Variants in SGPL1 observed in about 807,000 individuals in gnomAD.
SGPL1 encodes the protein sphingosine-1-phosphate lyase 1.
In SGPL1, 37 loss-of-function variants were observed where a neutral mutation model predicts 68.9. That is an observed-to-expected ratio of 0.54 (90% CI 0.41 to 0.71). The LOEUF (loss-of-function observed/expected upper bound fraction) is 0.71. SGPL1 is among the 30% of genes least tolerant of loss of function. The pLI is 0.00. For synonymous variants in SGPL1, 236 were observed against 248.5 expected (o/e 0.95, Z 0.47); for missense variants, 551 against 704.6 (o/e 0.78, Z 2.47).
intron 2 of SGPL1, among the ~76,000 whole-genome samples, chr10:70,826,531 A>G (rs1209933697): frequency 6.6e-6 from 1 of 152,392 alleles, no homozygotes; most frequent in East Asian, 1.9e-4. Context: ...TTATACGTGC[A>G]GAAGAGTATA....
intron 4 of SGPL1, 141 bp downstream of exon 4, chr10:70,851,351 C>T (rs922439585): frequency 7.1e-6 from 5 of 707,094 alleles, no homozygotes; most frequent in Non-Finnish European, 1.2e-5. Context: ...CATTTGGAGA[C>T]ATTTTTGGTG....
intron 2 of SGPL1, among the ~76,000 whole-genome samples, chr10:70,839,410 T>C (rs1683935): frequency 0.16 from 23,570 of 152,024 alleles, 2,101 homozygotes; most frequent in Non-Finnish European, 0.19. Flanking sequence ...GTTTTACTTA[T>C]AGAAACTGTA....
At chr10:70,849,447 C>G (rs1227138864) in intron 3 of SGPL1, among the ~76,000 whole-genome samples, 1 of 152,116 alleles carries the variant, frequency 6.6e-6, no homozygotes, top group African/African-American at 2.4e-5. Context: ...GAACATAGGG[C>G]TAGAAGGAAA....
rs827249 is a variant in SGPL1, at chr10:70,869,810, C to T, written c.723C>T (p.Ala241=). 66,510 of 1,613,662 alleles carry T rather than the reference C, an allele frequency of 0.041. 1,832 individuals are homozygous for T. The highest frequency in any genetic ancestry group is 0.13 in the East Asian group (5,761 of 44,840). ...CATTTAGTGTGGCTCCCCAAAGTGC[C>T]CATGCTGCATTTAACAAAGCAGCCA... ...KTPEIVAPQS[A]HAAFNKAASY... Residue 241 remains alanine, a synonymous_variant, in exon 9 of 15, where the codon GCC becomes GCT. Coordinates refer to ENST00000373202, the MANE Select transcript of SGPL1 (RefSeq NM_003901.4).
chr10:70,838,322 A>G (rs1845660736), intron 2 of SGPL1, among the ~76,000 whole-genome samples: 1 of 152,244 alleles, frequency 6.6e-6, no homozygotes, highest in South Asian at 2.1e-4. Context: ...GGTCACGAGC[A>G]GTACCAGTTC....
At chr10:70,835,509 G>A (rs902033850) in intron 2 of SGPL1, among the ~76,000 whole-genome samples, 2 of 150,848 alleles carry the variant, frequency 1.3e-5, no homozygotes, top group African/African-American at 2.5e-5. Flanking sequence ...AGGCCGAGGC[G>A]GGTGGATCAC....
chr10:70,837,660 T>C (rs983023945), intron 2 of SGPL1, among the ~76,000 whole-genome samples: 1 of 152,172 alleles, frequency 6.6e-6, no homozygotes, highest in Non-Finnish European at 1.5e-5. Flanking sequence ...AGAGTAGAGC[T>C]CTTTCTAGGT....
At chr10:70,857,539 C>CTG in intron 5 of SGPL1, 75 bp from the exon 6 acceptor site, 1 of 1,213,562 alleles carries the variant, frequency 8.2e-7, no homozygotes. Flanking sequence ...GAGTTTCTTC[C>CTG]TGTTTCTTCT....
chr10:70,848,995 G>A (rs1220181235), intron 3 of SGPL1, among the ~76,000 whole-genome samples: 1 of 152,112 alleles, frequency 6.6e-6, no homozygotes, highest in Non-Finnish European at 1.5e-5. Context: ...GGACTTTTGA[G>A]ATAATCTTTT....
intron 2 of SGPL1, among the ~76,000 whole-genome samples, chr10:70,829,546 C>T (rs1845497007): frequency 6.6e-6 from 1 of 152,072 alleles, no homozygotes; most frequent in African/African-American, 2.4e-5. Flanking sequence ...TTAATATTCA[C>T]AACAACCCTG....
At chr10:70,817,144 T>A (rs1845247598) in intron 2 of SGPL1, among the ~76,000 whole-genome samples, 1 of 152,096 alleles carries the variant, frequency 6.6e-6, no homozygotes, top group African/African-American at 2.4e-5. Flanking sequence ...CTCAGCCTCC[T>A]GAGTAGCTGG....
At chr10:70,850,958 G>C (rs76067274) in intron 3 of SGPL1, among the ~76,000 whole-genome samples, 185 bp from the exon 4 acceptor site, 202 of 152,146 alleles carry the variant, frequency 1.3e-3, no homozygotes, top group African/African-American at 4.7e-3. Context: ...TTAAAATTTT[G>C]AACCATGTAA....
intron 2 of SGPL1, among the ~76,000 whole-genome samples, chr10:70,819,790 C>G (rs1845307319): frequency 6.6e-6 from 1 of 152,026 alleles, no homozygotes; most frequent in African/African-American, 2.4e-5. Context: ...GCCACCATGC[C>G]CGGCTGATTT....
chr10:70,875,443 A>C lies in SGPL1; in HGVS notation c.1340A>C (p.Gln447Pro). Residue 447 changes from glutamine to proline, a missense_variant, in exon 13 of 15, where the codon CAA becomes CCA. By Grantham distance (76) the Gln-to-Pro change is moderately conservative. Transcript: ENST00000373202. ...IKGIFVFGNP[Q>P]LSVIALGSRD... ...GGCATCTTTGTTTTTGGGAATCCCC[A>C]ATTGTCAGTCATTGCTCTGGGATCC... 6.2e-7 allele frequency: 1 copy of C among 1,612,610 alleles called. No individual in the cohort carries two copies. The highest frequency in any genetic ancestry group is 1.3e-5 in the African/African-American group (1 of 75,034).
chr10:70,858,954 T>A (rs1387871892), intron 6 of SGPL1, among the ~76,000 whole-genome samples: 1 of 152,170 alleles, frequency 6.6e-6, no homozygotes, highest in Non-Finnish European at 1.5e-5. Context: ...CAACAGCTGC[T>A]TTGTGCCAGA....
chr10:70,876,689 C>G, intron 14 of SGPL1, 28 bp downstream of exon 14: 3 of 1,598,708 alleles, frequency 1.9e-6, no homozygotes, highest in Non-Finnish European at 2.6e-6. Flanking sequence ...TTTTTTTCTT[C>G]TCTTGGAAAT....
intron 7 of SGPL1, among the ~76,000 whole-genome samples, chr10:70,860,203 T>A (rs1441663667): frequency 6.6e-6 from 1 of 152,202 alleles, no homozygotes; most frequent in East Asian, 1.9e-4. Context: ...AGATCTGTTG[T>A]CTTTAGAAAA....
intron 2 of SGPL1, among the ~76,000 whole-genome samples, chr10:70,818,162 C>T (rs1164404303): frequency 6.6e-6 from 1 of 152,064 alleles, no homozygotes; most frequent in Non-Finnish European, 1.5e-5. Context: ...CTCTTGTCTC[C>T]CAGGCTGGAG....
chr10:70,837,876 CCTT>C (rs1025490829), intron 2 of SGPL1, among the ~76,000 whole-genome samples: 6 of 152,238 alleles, frequency 3.9e-5, no homozygotes, highest in African/African-American at 1.2e-4. Context: ...CTGGTGAGGG[CCTT>C]CTTCTTGCTG....
Sources: allele counts gnomAD v4.1 joint callset (sites outside exome capture counted in the v4.1 genomes callset), GRCh38; gene constraint gnomAD v4.1.1; transcripts MANE v1.5; gene names NCBI Gene and HGNC (gene_info 2026-07-23, HGNC 2026-07-21).